ECT2L: variants seen among roughly 807,000 people sequenced by gnomAD.
The protein encoded by ECT2L is epithelial cell-transforming sequence 2 oncogene-like.
ECT2L carries 126 observed loss-of-function variants against 122.8 expected under a neutral mutation model. That is an observed-to-expected ratio of 1.03 (90% CI 0.89 to 1.19). The LOEUF is 1.19. Ranked by LOEUF, ECT2L falls within the 50% of genes most tolerant of loss-of-function variation. The pLI, the probability that ECT2L is intolerant of heterozygous loss-of-function variation, is 0.00. For missense variants in ECT2L, 1,012 were observed against 1,064.1 expected (o/e 0.95, Z 0.68); for synonymous variants, 385 against 381.8 (o/e 1.01, Z -0.10).
chr6:138,892,139 C>T (rs11962409), intron 20 of ECT2L, among the ~76,000 whole-genome samples: 13,388 of 152,152 alleles, frequency 0.088, 1,233 homozygotes, highest in African/African-American at 0.23. Flanking sequence ...CTACCCGATA[C>T]CCCTACTTTG....
intron 20 of ECT2L, among the ~76,000 whole-genome samples, chr6:138,891,070 G>T (rs779752081): frequency 6.6e-6 from 1 of 151,948 alleles, no homozygotes; most frequent in Non-Finnish European, 1.5e-5. Flanking sequence ...TAGGAAGGGG[G>T]GATTGGATAT....
At chr6:138,841,784 C>G (rs576773333) in intron 5 of ECT2L, among the ~76,000 whole-genome samples, 1 of 152,152 alleles carries the variant, frequency 6.6e-6, no homozygotes, top group African/African-American at 2.4e-5. Flanking sequence ...GCATTGATAG[C>G]TCTATAATAT....
chr6:138,865,245 AAGT>A, intron 12 of ECT2L, 67 bp downstream of exon 12: 1 of 1,450,514 alleles, frequency 6.9e-7, no homozygotes, highest in Non-Finnish European at 9.2e-7. Context: ...GAGTAAATAC[AAGT>A]TTAGTTATGG....
chr6:138,885,529 C>T lies in ECT2L; in HGVS notation c.2052C>T (p.Phe684=). ...IEKCREMIPA[F]RTFLKRHDKT... ...AGTGCAGAGAAATGATACCAGCATT[C>T]CGAACTTTCCTGAAGAGGCATGATA... Residue 684 remains phenylalanine, a synonymous_variant, in exon 17 of 22, where the codon TTC becomes TTT. Coordinates refer to ENST00000541398, the MANE Select transcript of ECT2L (RefSeq NM_001077706.3). The T allele has an allele frequency of 1.9e-6, 3 of 1,614,126 alleles. No homozygotes were observed. Among genetic ancestry groups the T allele is most frequent in the Non-Finnish European group, 2.5e-6 (3 of 1,180,006 alleles).
At chr6:138,851,013 A>AAAAAAAAAAAAAAAAAAG (rs1562474231) in intron 9 of ECT2L, among the ~76,000 whole-genome samples, 6 of 148,228 alleles carry the variant, frequency 4.0e-5, no homozygotes, top group African/African-American at 1.5e-4. Flanking sequence ...AAAAAAAAAA[A>AAAAAAAAAAAAAAAAAAG]AAAAAAAAAA....
At chr6:138,879,995 C>G (rs1430781073) in intron 14 of ECT2L, among the ~76,000 whole-genome samples, 1 of 151,984 alleles carries the variant, frequency 6.6e-6, no homozygotes, top group Non-Finnish European at 1.5e-5. Context: ...CACAAAACAA[C>G]AGTTGGAAAC....
intron 9 of ECT2L, among the ~76,000 whole-genome samples, chr6:138,853,229 G>A (rs1486085550): frequency 1.3e-5 from 2 of 152,178 alleles, no homozygotes; most frequent in Non-Finnish European, 2.9e-5. Context: ...GCCTCCCAAA[G>A]TGTTGGGATT....
intron 17 of ECT2L, 36 bp downstream of exon 17, chr6:138,885,615 C>A: frequency 6.2e-7 from 1 of 1,614,024 alleles, no homozygotes; most frequent in Admixed American, 1.7e-5. Flanking sequence ...GGGGTCCCCC[C>A]AGAGAGGGCA....
rs750875796 is a variant in ECT2L, at chr6:138,844,440, G to C, written c.624G>C (p.Trp208Cys). 2 of 1,614,052 alleles carry C rather than the reference G, an allele frequency of 1.2e-6. No homozygotes were observed. The highest frequency in any genetic ancestry group is 2.2e-5 in the South Asian group (2 of 91,068). ...AGTTATTCAAAGTTCGACCCCCTTGGGTGAGTGGAACTTGCTGCTCTAGCG... is the reference window on the plus strand; with the variant it reads ...AGTTATTCAAAGTTCGACCCCCTTGCGTGAGTGGAACTTGCTGCTCTAGCG... ...KKELFKVRPP[W>C]VSGTCCSSVL... Residue 208 changes from tryptophan to cysteine, a missense_variant, in exon 7 of 22, where the codon TGG (tryptophan) becomes TGC (cysteine). Physicochemically the swap from Trp to Cys is radical, Grantham distance 215. Coordinates refer to ENST00000541398, the MANE Select transcript of ECT2L (RefSeq NM_001077706.3).
chr6:138,882,324 G>C (rs61162088), intron 15 of ECT2L, among the ~76,000 whole-genome samples: 5,728 of 152,232 alleles, frequency 0.038, 374 homozygotes, highest in African/African-American at 0.13. Context: ...GATTTTCTTA[G>C]AGCTCTGGGG....
chr6:138,900,524 C>T (rs1370838859), intron 20 of ECT2L, among the ~76,000 whole-genome samples: 3 of 152,182 alleles, frequency 2.0e-5, no homozygotes, highest in Non-Finnish European at 2.9e-5. Flanking sequence ...GGATTACAGG[C>T]GTGAGCCACC....
intron 15 of ECT2L, among the ~76,000 whole-genome samples, chr6:138,882,443 T>G (rs368468312): frequency 6.6e-6 from 1 of 152,196 alleles, no homozygotes; most frequent in East Asian, 1.9e-4. Context: ...GGCAAGAGAC[T>G]AGGACATTAG....
chr6:138,811,861 G>A (rs1025104481), intron 1 of ECT2L, among the ~76,000 whole-genome samples: 3 of 151,962 alleles, frequency 2.0e-5, no homozygotes, highest in Non-Finnish European at 4.4e-5. Context: ...GCCAATTTTT[G>A]TATTTTTAGT....
chr6:138,876,956 G>T (rs1256134966), intron 14 of ECT2L, among the ~76,000 whole-genome samples: 1 of 152,154 alleles, frequency 6.6e-6, no homozygotes, highest in Non-Finnish European at 1.5e-5. Flanking sequence ...CCGTCTTTCT[G>T]TGTCAAGGGT....
chr6:138,848,829 T>C (rs914176432), intron 8 of ECT2L, among the ~76,000 whole-genome samples: 8 of 152,186 alleles, frequency 5.3e-5, no homozygotes, highest in African/African-American at 1.9e-4. Context: ...AATTTTTGTA[T>C]TTTTTGTAGA....
chr6:138,882,039 T>C (rs1778662413), intron 15 of ECT2L, among the ~76,000 whole-genome samples: 1 of 152,168 alleles, frequency 6.6e-6, no homozygotes, highest in Non-Finnish European at 1.5e-5. Context: ...ACCAGAAGGA[T>C]TTAATGGGAT....
intron 1 of ECT2L, among the ~76,000 whole-genome samples, chr6:138,807,491 G>A (rs1041387339): frequency 6.6e-6 from 1 of 151,958 alleles, no homozygotes; most frequent in African/African-American, 2.4e-5. Flanking sequence ...CATAATGCCG[G>A]TCATCTTCTC....
chr6:138,837,650 A>G (rs985486598), intron 4 of ECT2L, among the ~76,000 whole-genome samples: 5 of 151,858 alleles, frequency 3.3e-5, no homozygotes, highest in Non-Finnish European at 5.9e-5. Flanking sequence ...TCAAAAAAAA[A>G]AAAAAACAAC....
At chr6:138,899,750 G>C (rs916406448) in intron 20 of ECT2L, among the ~76,000 whole-genome samples, 2 of 146,356 alleles carry the variant, frequency 1.4e-5, no homozygotes, top group Non-Finnish European at 3.0e-5. Flanking sequence ...GATGCTTCTG[G>C]AAGGAAAACA....
Sources: gnomAD v4.1 joint callset for allele counts (sites outside exome capture counted in the v4.1 genomes callset) on GRCh38, gnomAD v4.1.1 for gene constraint, MANE v1.5 for transcripts, NCBI Gene and HGNC (gene_info 2026-07-23, HGNC 2026-07-21) for gene names.